YEATS4: variants seen among roughly 807,000 people sequenced by gnomAD.
YEATS4 encodes YEATS domain-containing protein 4.
Under a neutral mutation model 30.1 loss-of-function variants are expected in YEATS4, and 17 were observed. That is an observed-to-expected ratio of 0.56 (90% confidence interval 0.39 to 0.85). The LOEUF (loss-of-function observed/expected upper bound fraction) is 0.85. Among genes scored for constraint, YEATS4 ranks in the 40% least tolerant of loss-of-function variants. YEATS4 has a pLI of 0.00. For missense variants in YEATS4, 142 were observed against 268.3 expected, an observed-to-expected ratio of 0.53 and a Z score of 3.29; for synonymous variants, 85 against 87.5, an observed-to-expected ratio of 0.97 and a Z score of 0.16.
At position 69,389,047 on chromosome 12, in the gene YEATS4, A is replaced by G. The variant is rs754321552; in HGVS notation, c.515-1100A>G. On this transcript the variant is annotated intron_variant, in intron 6 of 6. Transcript: ENST00000247843. ...GTGAGGAACATAGGTGAAATAGCTT[A>G]CAGTGTCACAGCTAGTAAGTGGCAG... Among the ~76,000 whole-genome samples, 19 of 152,374 alleles carry G rather than the reference A, an allele frequency of 1.2e-4. 1 individual carries two copies. Among genetic ancestry groups the G allele is most frequent in the Admixed American group, 3.9e-4 (6 of 15,308 alleles).
chr12:69,409,712 A>G, the YEATS4 span, among the ~76,000 whole-genome samples: 2 of 152,162 alleles, frequency 1.3e-5, no homozygotes, highest in Non-Finnish European at 2.9e-5. Context: ...TCCAAAATAC[A>G]TATGTTGAAG....
At chr12:69,369,014 G>C (rs903446566) in intron 4 of YEATS4, among the ~76,000 whole-genome samples, 12 of 152,166 alleles carry the variant, frequency 7.9e-5, no homozygotes, top group Non-Finnish European at 1.2e-4. Flanking sequence ...TATCATTTGA[G>C]ATCAGGAATT....
the YEATS4 span, among the ~76,000 whole-genome samples, chr12:69,405,444 G>A: frequency 0.66 from 100,495 of 151,998 alleles, 33,434 homozygotes; most frequent in East Asian, 0.81. Flanking sequence ...TCAGCGTACA[G>A]TTTTTTTTCT....
the YEATS4 span, among the ~76,000 whole-genome samples, chr12:69,421,206 G>T: frequency 1.3e-5 from 2 of 151,890 alleles, no homozygotes; most frequent in African/African-American, 4.8e-5. Flanking sequence ...TGGATATTTG[G>T]GTTGTTTCCA....
At chr12:69,394,227 A>G (rs1017434398), downstream of YEATS4, among the ~76,000 whole-genome samples, 1 of 152,240 alleles carries the variant, frequency 6.6e-6, no homozygotes, top group African/African-American at 2.4e-5. Context: ...GAGAAATGGC[A>G]TAATGGCACA....
At position 69,359,763 on chromosome 12, in the gene YEATS4, A is replaced by AGG. The variant is rs1565672518; in HGVS notation, c.-210_-209insGG. On this transcript the variant is annotated 5_prime_UTR_variant, in exon 1 of 7. Transcript: ENST00000247843. The stretch of plus-strand genomic sequence containing the variant: ...CGCCCCTCTTTTCGCGGCGTTCTCC[A>AGG]CCTGCGCGGGCCTGAATGGCCTTCA... The AGG allele has an allele frequency of 1.7e-6, 1 of 578,528 alleles. No individual in the cohort carries two copies. The highest frequency in any genetic ancestry group is 1.9e-5 in the African/African-American group (1 of 51,748). 35.8% of individuals were successfully genotyped at this position (578,528 alleles called of 1,614,324 possible).
chr12:69,359,752 C>G lies in YEATS4; in HGVS notation c.-221C>G. 1 of 555,650 alleles carries G rather than the reference C, an allele frequency of 1.8e-6. No individual in the cohort carries two copies. The highest frequency in any genetic ancestry group is 3.1e-6 in the Non-Finnish European group (1 of 319,498). 34.4% of individuals were successfully genotyped at this position (555,650 alleles called of 1,614,324 possible). ...GGTGCGGCCGTCGCCCCTCTTTTCGCGGCGTTCTCCACCTGCGCGGGCCTG... is the reference window on the plus strand; with the variant it reads ...GGTGCGGCCGTCGCCCCTCTTTTCGGGGCGTTCTCCACCTGCGCGGGCCTG... On this transcript the variant is annotated 5_prime_UTR_variant, in exon 1 of 7. Transcript: ENST00000247843.
chr12:69,370,313 T>C (rs1261191546), intron 4 of YEATS4, among the ~76,000 whole-genome samples: 1 of 152,250 alleles, frequency 6.6e-6, no homozygotes, highest in African/African-American at 2.4e-5. Context: ...CTGAACTTTT[T>C]CATTCCCCAC....
rs189454387 is a variant in YEATS4, at chr12:69,375,658, C to T, written c.514+4683C>T. On this transcript the variant is annotated intron_variant, in intron 6 of 6. Coordinates refer to ENST00000247843, the MANE Select transcript of YEATS4 (RefSeq NM_006530.4). Reference sequence around the variant, plus strand: ...GACTCCGTCTGCAATCCCGGCACCTCGGGAGGCCAAGGCTGGCAGATCACT... The same window carrying T: ...GACTCCGTCTGCAATCCCGGCACCTTGGGAGGCCAAGGCTGGCAGATCACT... Among the ~76,000 whole-genome samples the T allele has an allele frequency of 8.2e-3, 1,243 of 152,234 alleles. 15 individuals are homozygous for T. The highest frequency in any genetic ancestry group is 0.028 in the African/African-American group (1,169 of 41,534).
chr12:69,379,138 T>C (rs1363534510), intron 6 of YEATS4, among the ~76,000 whole-genome samples: 1 of 152,246 alleles, frequency 6.6e-6, no homozygotes, highest in African/African-American at 2.4e-5. Flanking sequence ...TAGAGCTCCA[T>C]TGTATGTTAC....
intron 6 of YEATS4, among the ~76,000 whole-genome samples, chr12:69,371,207 T>C (rs931520208): frequency 3.3e-5 from 5 of 152,224 alleles, no homozygotes; most frequent in African/African-American, 1.2e-4. Flanking sequence ...GCTGAAGTAC[T>C]GTTTGTCTGT....
At chr12:69,377,771 T>C (rs1261547978) in intron 6 of YEATS4, among the ~76,000 whole-genome samples, 1 of 152,242 alleles carries the variant, frequency 6.6e-6, no homozygotes, top group Non-Finnish European at 1.5e-5. Context: ...ATGGTCTTTA[T>C]CCTTGAGAAT....
chr12:69,385,112 C>T (rs954572302), intron 6 of YEATS4, among the ~76,000 whole-genome samples: 4 of 152,030 alleles, frequency 2.6e-5, no homozygotes, highest in African/African-American at 9.7e-5. Flanking sequence ...TGGGGGCTCA[C>T]ATGATCCTCC....
At chr12:69,417,383 C>T in the YEATS4 span, among the ~76,000 whole-genome samples, 3 of 151,598 alleles carry the variant, frequency 2.0e-5, no homozygotes, top group Admixed American at 6.6e-5. Flanking sequence ...TGGTCTTCAA[C>T]TCCTGAGCTC....
At chr12:69,381,056 T>C (rs898346563) in intron 6 of YEATS4, among the ~76,000 whole-genome samples, 113 of 152,216 alleles carry the variant, frequency 7.4e-4, no homozygotes, top group Non-Finnish European at 5.0e-4. Context: ...GATAACATCT[T>C]ATCAGGAGAC....
At chr12:69,416,372 G>T in the YEATS4 span, among the ~76,000 whole-genome samples, 6,344 of 152,288 alleles carry the variant, frequency 0.042, 191 homozygotes, top group Non-Finnish European at 0.065. Flanking sequence ...TTACAGTCCT[G>T]CAACTACATA....
intron 2 of YEATS4, among the ~76,000 whole-genome samples, chr12:69,364,009 G>A (rs756366251): frequency 3.3e-5 from 5 of 152,150 alleles, no homozygotes; most frequent in African/African-American, 4.8e-5. Context: ...TCCAGAAGGG[G>A]CAAATCCATA....
chr12:69,391,696 T>C (rs1388512115), downstream of YEATS4, among the ~76,000 whole-genome samples: 1 of 152,192 alleles, frequency 6.6e-6, no homozygotes, highest in Non-Finnish European at 1.5e-5. Flanking sequence ...GCATCATTCA[T>C]TTTCTCTGCA....
At chr12:69,402,199 CCT>C in the YEATS4 span, among the ~76,000 whole-genome samples, 4 of 152,154 alleles carry the variant, frequency 2.6e-5, no homozygotes, top group African/African-American at 7.2e-5. Flanking sequence ...CTTGGCTTTT[CCT>C]CTCTCTATTC....
Sources: allele counts gnomAD v4.1 joint callset (sites outside exome capture counted in the v4.1 genomes callset), GRCh38; gene constraint gnomAD v4.1.1; transcripts MANE v1.5; gene names NCBI Gene and HGNC (gene_info 2026-07-23, HGNC 2026-07-21).